Variants in RERE observed in about 807,000 individuals in gnomAD.
RERE encodes the protein arginine-glutamic acid dipeptide repeats protein.
RERE carries 40 observed loss-of-function variants against 146.1 expected under a neutral mutation model. The ratio of observed to expected loss-of-function variants is 0.27; its 90% confidence interval spans 0.21 to 0.36. RERE has a LOEUF of 0.36. Among genes scored for constraint, RERE ranks in the 10% least tolerant of loss-of-function variants. The pLI is 1.00. For missense variants in RERE, 1,933 were observed against 2,138.7 expected, an observed-to-expected ratio of 0.90 and a Z score of 1.90; for synonymous variants, 1,003 against 866.0, an observed-to-expected ratio of 1.16 and a Z score of -2.78.
chr1:8,619,366 A>C (rs748243563), intron 3 of RERE, among the ~76,000 whole-genome samples: 14 of 152,238 alleles, frequency 9.2e-5, no homozygotes, highest in Non-Finnish European at 1.5e-4. Context: ...TTTTAATAAA[A>C]CAGTTAAGGA....
At chr1:8,797,071 CA>C (rs1270151290) in intron 1 of RERE, among the ~76,000 whole-genome samples, 27 of 146,584 alleles carry the variant, frequency 1.8e-4, no homozygotes, top group South Asian at 2.2e-4. Context: ...CTAGTTTCCT[CA>C]AAAAAAAAAA....
chr1:8,462,926 T>C (rs535382365), intron 11 of RERE, among the ~76,000 whole-genome samples: 24 of 152,158 alleles, frequency 1.6e-4, no homozygotes, highest in African/African-American at 5.3e-4. Context: ...GTTCCAAGTA[T>C]ATAGAAAACT....
chr1:8,361,677 C>T, intron 17 of RERE, 86 bp downstream of exon 17: 4 of 1,356,526 alleles, frequency 2.9e-6, no homozygotes, highest in Admixed American at 1.8e-5. Context: ...GGAGACAGGG[C>T]ACGGCCACCA....
chr1:8,681,615 A>G (rs1638973360), intron 1 of RERE, among the ~76,000 whole-genome samples: 1 of 152,224 alleles, frequency 6.6e-6, no homozygotes, highest in African/African-American at 2.4e-5. Flanking sequence ...GTGTGCTATT[A>G]AACATCTCAA....
At chr1:8,644,666 A>T (rs1047754924) in intron 2 of RERE, among the ~76,000 whole-genome samples, 2 of 152,134 alleles carry the variant, frequency 1.3e-5, no homozygotes, top group Non-Finnish European at 2.9e-5. Context: ...TCACCTTCTC[A>T]GCTTACTTCC....
intron 4 of RERE, among the ~76,000 whole-genome samples, chr1:8,580,510 T>A (rs1646350589): frequency 6.6e-6 from 1 of 152,270 alleles, no homozygotes; most frequent in South Asian, 2.1e-4. Flanking sequence ...AGATTTTCAC[T>A]TACTAAAATA....
intron 3 of RERE, among the ~76,000 whole-genome samples, chr1:8,618,652 G>C (rs192902877): frequency 2.6e-5 from 4 of 152,312 alleles, no homozygotes; most frequent in Admixed American, 2.0e-4. Context: ...TCGATAATGC[G>C]TAAGTCTGAT....
At position 8,407,930 on chromosome 1, in the gene RERE, T is replaced by G. The variant is rs1643496807; in HGVS notation, c.1284+14797A>C. The stretch of plus-strand genomic sequence containing the variant: ...GGTCTACCATGATTTTTACCTTGAC[T>G]AACAAAATCTCAAGACAAGTTGTAC... On this transcript the variant is annotated intron_variant, in intron 12 of 22. Transcript: ENST00000400908. Among the ~76,000 whole-genome samples the G allele has an allele frequency of 2.0e-5, 3 of 152,206 alleles. No individual in the cohort carries two copies. In the South Asian group the frequency reaches 6.2e-4, roughly 31 times the overall value.
chr1:8,781,353 T>C (rs1377665738), intron 1 of RERE, among the ~76,000 whole-genome samples: 2 of 135,570 alleles, frequency 1.5e-5, no homozygotes, highest in African/African-American at 5.3e-5. Flanking sequence ...CAAGACTCCG[T>C]CTCAAAAAAA....
intron 7 of RERE, among the ~76,000 whole-genome samples, chr1:8,539,124 A>G (rs1304452487): frequency 6.6e-6 from 1 of 152,262 alleles, no homozygotes; most frequent in Non-Finnish European, 1.5e-5. Context: ...CTTGTGCAAC[A>G]GGAAAACTAT....
chr1:8,774,943 CTTTCTTTCT>C (rs1451809542), intron 1 of RERE, among the ~76,000 whole-genome samples: 2 of 55,934 alleles, frequency 3.6e-5, no homozygotes, highest in South Asian at 7.6e-4. Flanking sequence ...AGCATTTCTT[CTTTCTTTCT>C]TTTTTTTTTT....
At chr1:8,433,883 T>C (rs367745533) in intron 11 of RERE, among the ~76,000 whole-genome samples, 2 of 152,320 alleles carry the variant, frequency 1.3e-5, no homozygotes, top group African/African-American at 4.8e-5. Context: ...AAAGAAGTCC[T>C]CTCTAGGGTC....
rs555383086 is a variant in RERE, at chr1:8,816,174, C to T, written c.-145+986G>A. ...AAACTGTTTCAAATCTTAGATGCAT[C>T]AATTCCTGCTATATTAAAATGTCTA... On this transcript the variant is annotated intron_variant, in intron 1 of 22. Transcript: ENST00000400908. Among the ~76,000 whole-genome samples the T allele has an allele frequency of 1.1e-4, 17 of 152,304 alleles. No individual in the cohort carries two copies. The East Asian group carries it at 2.9e-3, about 26-fold the overall frequency.
intron 1 of RERE, among the ~76,000 whole-genome samples, chr1:8,805,658 A>C (rs1207674458): frequency 2.7e-5 from 4 of 150,628 alleles, no homozygotes; most frequent in Non-Finnish European, 5.9e-5. Flanking sequence ...TCAAAAAAAA[A>C]AAAAAAACAA....
chr1:8,757,850 G>A (rs1167805100), intron 1 of RERE, among the ~76,000 whole-genome samples: 1 of 151,882 alleles, frequency 6.6e-6, no homozygotes, highest in Admixed American at 6.6e-5. Flanking sequence ...CAACCTAAGT[G>A]TCCATCAACA....
chr1:8,719,284 T>G (rs557613085), intron 1 of RERE, among the ~76,000 whole-genome samples: 2 of 152,166 alleles, frequency 1.3e-5, no homozygotes, highest in Non-Finnish European at 2.9e-5. Flanking sequence ...GAGAGCACAG[T>G]GGAGCCACAC....
At chr1:8,607,308 C>T (rs1333099344) in intron 4 of RERE, among the ~76,000 whole-genome samples, 6 of 148,438 alleles carry the variant, frequency 4.0e-5, no homozygotes, top group Non-Finnish European at 7.4e-5. Context: ...TGCAGTGAGC[C>T]ATTATCAGGC....
intron 10 of RERE, among the ~76,000 whole-genome samples, chr1:8,483,997 A>G (rs1644867332): frequency 6.6e-6 from 1 of 152,218 alleles, no homozygotes; most frequent in Non-Finnish European, 1.5e-5. Context: ...CTGAGAAAGA[A>G]AAAGCAAAAT....
chr1:8,769,933 C>T (rs749893891), intron 1 of RERE, among the ~76,000 whole-genome samples: 8 of 152,064 alleles, frequency 5.3e-5, no homozygotes, highest in Non-Finnish European at 1.0e-4. Context: ...GGATTCCGGG[C>T]GCACACCACT....
Sources: gnomAD v4.1 joint callset for allele counts (sites outside exome capture counted in the v4.1 genomes callset) on GRCh38, gnomAD v4.1.1 for gene constraint, MANE v1.5 for transcripts, NCBI Gene and HGNC (gene_info 2026-07-23, HGNC 2026-07-21) for gene names.